Variants in GPC6 observed in about 807,000 individuals in gnomAD.
GPC6 encodes the protein glypican 6.
A neutral mutation model predicts 55.2 loss-of-function variants in GPC6; 14 were observed. That is an observed-to-expected ratio of 0.25 (90% CI 0.17 to 0.40). The LOEUF is 0.40. GPC6 is among the 10% of genes least tolerant of loss of function. GPC6 has a pLI of 1.00. For synonymous variants in GPC6, 278 were observed against 259.6 expected (o/e 1.07, Z -0.68); for missense variants, 641 against 708.5 (o/e 0.90, Z 1.08).
chr13:94,371,776 T>C (rs1424366124), intron 6 of GPC6, among the ~76,000 whole-genome samples: 1 of 152,154 alleles, frequency 6.6e-6, no homozygotes, highest in African/African-American at 2.4e-5. Flanking sequence ...ATAACCCCCA[T>C]ACAGATTCAA....
At chr13:94,201,512 A>G (rs1889747641) in intron 4 of GPC6, among the ~76,000 whole-genome samples, 1 of 152,180 alleles carries the variant, frequency 6.6e-6, no homozygotes. Flanking sequence ...AATACTATTT[A>G]TGTATTGCCT....
At chr13:94,313,026 A>G (rs1454537394) in intron 6 of GPC6, among the ~76,000 whole-genome samples, 4 of 152,298 alleles carry the variant, frequency 2.6e-5, no homozygotes, top group Non-Finnish European at 4.4e-5. Flanking sequence ...TTCATTTTCA[A>G]TGAACCCTTG....
At chr13:94,269,410 GA>G (rs2139060453) in intron 4 of GPC6, among the ~76,000 whole-genome samples, 1 of 152,274 alleles carries the variant, frequency 6.6e-6, no homozygotes, top group South Asian at 2.1e-4. Context: ...ATTCGTTCTT[GA>G]AAGCCTACCT....
At chr13:93,747,995 A>G (rs940769743) in intron 2 of GPC6, among the ~76,000 whole-genome samples, 2 of 152,178 alleles carry the variant, frequency 1.3e-5, no homozygotes, top group African/African-American at 4.8e-5. Flanking sequence ...GATAATAGAT[A>G]ATGTAAAAAC....
chr13:93,912,150 T>C (rs1384258377), intron 3 of GPC6, among the ~76,000 whole-genome samples: 2 of 152,234 alleles, frequency 1.3e-5, no homozygotes, highest in Admixed American at 6.5e-5. Flanking sequence ...TCTGAAAATA[T>C]ATGGGTATAT....
intron 2 of GPC6, among the ~76,000 whole-genome samples, chr13:93,687,922 TTC>T (rs1473456374): frequency 6.6e-6 from 1 of 151,850 alleles, no homozygotes; most frequent in Admixed American, 6.6e-5. Context: ...AAAAGTTTAT[TTC>T]TCTCTTATAC....
chr13:94,265,132 A>C (rs187179358), intron 4 of GPC6, among the ~76,000 whole-genome samples: 2 of 152,330 alleles, frequency 1.3e-5, no homozygotes, highest in East Asian at 3.9e-4. Context: ...ATGCACATGA[A>C]AACAGGAGAA....
intron 1 of GPC6, among the ~76,000 whole-genome samples, chr13:93,367,557 T>G (rs1218479523): frequency 6.6e-6 from 1 of 152,070 alleles, no homozygotes; most frequent in Admixed American, 6.6e-5. Context: ...GACTTTCCCT[T>G]TTTTCAGTGT....
chr13:93,250,284 C>T (rs73635731), intron 1 of GPC6, among the ~76,000 whole-genome samples: 1 of 152,112 alleles, frequency 6.6e-6, no homozygotes, highest in Non-Finnish European at 1.5e-5. Flanking sequence ...TCTTAGATTG[C>T]GGAGTGATAA....
intron 1 of GPC6, among the ~76,000 whole-genome samples, chr13:93,340,028 T>TA (rs1880191760): frequency 8.0e-5 from 4 of 50,026 alleles, no homozygotes; most frequent in Non-Finnish European, 1.4e-4. Flanking sequence ...TTTTCTTTCT[T>TA]TTTTTTTTTT....
chr13:93,935,950 T>C (rs548178742), intron 3 of GPC6, among the ~76,000 whole-genome samples: 64 of 152,298 alleles, frequency 4.2e-4, no homozygotes, highest in Admixed American at 4.2e-3. Flanking sequence ...TCCCTCTTGA[T>C]GTTCATTTGC....
chr13:93,351,552 A>T (rs1880633097), intron 1 of GPC6, among the ~76,000 whole-genome samples: 2 of 152,138 alleles, frequency 1.3e-5, no homozygotes, highest in Non-Finnish European at 2.9e-5. Context: ...TAATAAAAGC[A>T]CATTACATAG....
At chr13:94,199,685 T>C (rs1889691227) in intron 4 of GPC6, among the ~76,000 whole-genome samples, 1 of 152,200 alleles carries the variant, frequency 6.6e-6, no homozygotes, top group Non-Finnish European at 1.5e-5. Flanking sequence ...GTAGACAATA[T>C]ATGTGAAGTA....
chr13:93,724,775 C>T (rs1883573466), intron 2 of GPC6, among the ~76,000 whole-genome samples: 1 of 151,980 alleles, frequency 6.6e-6, no homozygotes, highest in African/African-American at 2.4e-5. Context: ...GCATCCTTGG[C>T]ATATCACTTT....
At chr13:93,457,160 T>A (rs557171256) in intron 1 of GPC6, among the ~76,000 whole-genome samples, 1 of 152,276 alleles carries the variant, frequency 6.6e-6, no homozygotes, top group Non-Finnish European at 1.5e-5. Flanking sequence ...AAATTACCAG[T>A]CTCAGGTATG....
chr13:93,880,400 T>G (rs1381421755), intron 3 of GPC6, among the ~76,000 whole-genome samples: 2 of 151,986 alleles, frequency 1.3e-5, no homozygotes, highest in African/African-American at 4.8e-5. Flanking sequence ...AAATGATGAG[T>G]TCATGTCCTT....
chr13:94,373,997 T>C (rs9589979), intron 6 of GPC6, among the ~76,000 whole-genome samples: 7,573 of 151,906 alleles, frequency 0.05, 609 homozygotes, highest in African/African-American at 0.17. Context: ...TAAAATACTT[T>C]ACAGACAAGC....
chr13:93,977,091 T>C (rs1880554798), intron 3 of GPC6, among the ~76,000 whole-genome samples: 1 of 152,126 alleles, frequency 6.6e-6, no homozygotes, highest in Non-Finnish European at 1.5e-5. Context: ...ACCCATGGAT[T>C]TCAATAGAGC....
Position 94,179,346 on chromosome 13 carries a change from A to C in GPC6, c.878-107003A>C, listed in dbSNP as rs78201686. Among the ~76,000 whole-genome samples the C allele has an allele frequency of 4.4e-3, 677 of 152,278 alleles. 4 individuals are homozygous for C. Among genetic ancestry groups the C allele is most frequent in the African/African-American group, 0.015 (623 of 41,554 alleles). ...ATTTACTTTGAGATAGAGAGGGTGG[A>C]TGGAAAGGTGAAATCTAAAAGGGCA... On this transcript the variant is annotated intron_variant, in intron 4 of 8. Coordinates refer to ENST00000377047, the MANE Select transcript of GPC6 (RefSeq NM_005708.5).
Sources: allele counts gnomAD v4.1 joint callset (sites outside exome capture counted in the v4.1 genomes callset), GRCh38; gene constraint gnomAD v4.1.1; transcripts MANE v1.5; gene names NCBI Gene and HGNC (gene_info 2026-07-23, HGNC 2026-07-21).